CR1: variants seen among roughly 807,000 people sequenced by gnomAD.
The protein encoded by CR1 is complement receptor type 1.
A neutral mutation model predicts 187.3 loss-of-function variants in CR1; 116 were observed. That is an observed-to-expected ratio of 0.62 (90% CI 0.53 to 0.72). CR1 has a LOEUF of 0.72. Ranked by LOEUF, CR1 falls within the 30% of genes least tolerant of loss-of-function variation. CR1 has a pLI of 0.00. For synonymous variants in CR1, 576 were observed against 747.1 expected (o/e 0.77, Z 3.73); for missense variants, 1,731 against 2,110.7 (o/e 0.82, Z 3.52).
rs1364702662 is a variant in CR1 at position 207,506,887 on chromosome 1, A to G, written c.401+74A>G. ...CACAGCCTTACTACCTTCTAGTCAC[A>G]TGTCAGAAAGGACAACTAAACTATT... is the stretch of plus-strand genomic sequence containing the variant. On this transcript the variant is annotated intron_variant, in intron 3 of 46. Transcript: ENST00000367049. The G allele has an allele frequency of 2.4e-6, 3 of 1,235,786 alleles. No individual in the cohort carries two copies. The South Asian group carries it at 4.0e-5, about 16-fold the overall frequency. The allele number at this position is 1,235,786 out of a possible 1,614,324, so 76.6% of individuals were successfully genotyped here.
intron 27 of CR1, among the ~76,000 whole-genome samples, chr1:207,572,910 T>A (rs1424801295): frequency 6.6e-6 from 1 of 151,406 alleles, no homozygotes; most frequent in Non-Finnish European, 1.5e-5. Context: ...CCTCATATGC[T>A]GTTCTCTCTG....
At chr1:207,580,468 G>A in intron 30 of CR1, 43 bp from the exon 31 acceptor site, 10 of 1,600,820 alleles carry the variant, frequency 6.2e-6, no homozygotes, top group Non-Finnish European at 7.6e-6. Flanking sequence ...ACACATGGAG[G>A]TCTTACTCCT....
intron 23 of CR1, among the ~76,000 whole-genome samples, chr1:207,565,637 G>T (rs1571537084): frequency 1.3e-5 from 2 of 150,178 alleles, no homozygotes; most frequent in East Asian, 3.9e-4. Flanking sequence ...ACTATCATGT[G>T]ACCAAGCTAC....
chr1:207,598,744 A>T (rs1249159724), intron 35 of CR1: 1 of 152,218 alleles, frequency 6.6e-6, no homozygotes, highest in African/African-American at 2.4e-5. Flanking sequence ...TGAACAAGAG[A>T]GCGCTAACTA....
chr1:207,511,751 G>A lies in CR1; in HGVS notation c.487+97G>A, dbSNP rs115667262. 3.3e-3 allele frequency: 3,944 copies of A among 1,205,580 alleles called. 111 individuals carry two copies. The African/African-American group carries it at 0.052, about 16-fold the overall frequency. 74.7% of individuals were successfully genotyped at this position (1,205,580 alleles called of 1,614,324 possible). On this transcript the variant is annotated intron_variant, in intron 4 of 46. Coordinates refer to ENST00000367049, the MANE Select transcript of CR1 (RefSeq NM_000651.6). ...TAACTGAATTCCTTCTGTGCAATCT[G>A]TCCTTCACACGGCTGAAGACTGCGG...
chr1:207,599,128 G>A (rs1661534010), intron 35 of CR1: 1 of 152,116 alleles, frequency 6.6e-6, no homozygotes, highest in South Asian at 2.1e-4. Flanking sequence ...AGAAAGTTAA[G>A]AGCATACAAC....
At chr1:207,587,590 A>C in intron 34 of CR1, 25 bp downstream of exon 34, 1 of 1,603,970 alleles carries the variant, frequency 6.2e-7, no homozygotes. Flanking sequence ...CCTGGGAACT[A>C]CTTCATGTCT....
At chr1:207,583,010 G>T (rs1341218336) in intron 32 of CR1, among the ~76,000 whole-genome samples, 1 of 152,182 alleles carries the variant, frequency 6.6e-6, no homozygotes, top group Admixed American at 6.5e-5. Flanking sequence ...AGCCATCATT[G>T]TATCTGCTAT....
chr1:207,610,674 T>C (rs908991395), intron 37 of CR1, among the ~76,000 whole-genome samples: 1 of 152,196 alleles, frequency 6.6e-6, no homozygotes, highest in African/African-American at 2.4e-5. Context: ...AATTGTCCTG[T>C]GGATGGAGGC....
At chr1:207,621,190 G>T (rs1662304629) in intron 43 of CR1, among the ~76,000 whole-genome samples, 1 of 151,944 alleles carries the variant, frequency 6.6e-6, no homozygotes, top group Non-Finnish European at 1.5e-5. Context: ...CAGGAGAGTC[G>T]CTTGAACACG....
chr1:207,590,844 G>A (rs888497141), intron 35 of CR1, among the ~76,000 whole-genome samples: 8 of 152,172 alleles, frequency 5.3e-5, no homozygotes, highest in African/African-American at 1.9e-4. Flanking sequence ...TTAAACCAAC[G>A]AAGATCAAAA....
At chr1:207,631,994 C>G (rs180784059) in intron 46 of CR1, among the ~76,000 whole-genome samples, 2 of 152,262 alleles carry the variant, frequency 1.3e-5, no homozygotes, top group Admixed American at 1.3e-4. Context: ...GAAGGGGCCC[C>G]AGGAAAAGTA....
intron 24 of CR1, 105 bp downstream of exon 24, chr1:207,566,028 T>C: frequency 6.9e-7 from 1 of 1,439,040 alleles, no homozygotes; most frequent in Non-Finnish European, 9.6e-7. Flanking sequence ...TAGTCTTAAT[T>C]ATCGATTTAA....
chr1:207,503,666 G>T (rs936078796), intron 1 of CR1, among the ~76,000 whole-genome samples: 1 of 152,076 alleles, frequency 6.6e-6, no homozygotes, highest in Non-Finnish European at 1.5e-5. Context: ...GATAACCCAG[G>T]ATAATCTGCC....
At chr1:207,510,064 G>A (rs12039306) in intron 3 of CR1, among the ~76,000 whole-genome samples, 30,276 of 152,004 alleles carry the variant, frequency 0.2, 3,302 homozygotes, top group South Asian at 0.44. Flanking sequence ...AAAATCAGCC[G>A]AGTGTGGTGG....
chr1:207,497,162 T>C (rs1659114433), intron 1 of CR1, among the ~76,000 whole-genome samples: 1 of 152,192 alleles, frequency 6.6e-6, no homozygotes, highest in Non-Finnish European at 1.5e-5. Context: ...GAACATGCAA[T>C]GTAACCGTTG....
rs377014735 is a variant in CR1, at chr1:207,521,063, G to A, written c.488-2548G>A. On this transcript the variant is annotated intron_variant, in intron 4 of 46. Transcript: ENST00000367049. ...GATATCTCGGCTCACTGCAACCTCC[G>A]CCTCCGGGGTTCAAGTTATCCTCCC... 3.8e-5 allele frequency among the ~76,000 whole-genome samples: 5 copies of A among 132,560 alleles called. 1 individual carries two copies. The South Asian group carries it at 1.1e-3, about 28-fold the overall frequency. The allele number at this position is 132,560 out of a possible 152,430, so 87.0% of individuals were successfully genotyped here.
At chr1:207,502,708 A>G (rs1029563988) in intron 1 of CR1, among the ~76,000 whole-genome samples, 1 of 152,210 alleles carries the variant, frequency 6.6e-6, no homozygotes, top group Non-Finnish European at 1.5e-5. Context: ...TCTGGGAAAA[A>G]TAAGTAAGAA....
chr1:207,588,108 C>T (rs891982265), intron 34 of CR1, among the ~76,000 whole-genome samples: 38 of 152,196 alleles, frequency 2.5e-4, no homozygotes, highest in Non-Finnish European at 7.4e-5. Flanking sequence ...AATGAGAGTA[C>T]AACACTTTAG....
Sources: allele counts gnomAD v4.1 joint callset (sites outside exome capture counted in the v4.1 genomes callset), GRCh38; gene constraint gnomAD v4.1.1; transcripts MANE v1.5; gene names NCBI Gene and HGNC (gene_info 2026-07-23, HGNC 2026-07-21).